DNAH12: variants seen among roughly 807,000 people sequenced by gnomAD.
DNAH12 encodes axonemal beta dynein heavy chain 12.
Under a neutral mutation model 371.5 loss-of-function variants are expected in DNAH12, and 285 were observed. The observed-to-expected ratio is 0.77, with a 90% CI of 0.70 to 0.85. The LOEUF (loss-of-function observed/expected upper bound fraction) is 0.85, where lower values mean the gene tolerates loss of function less well. Ranked by LOEUF, DNAH12 falls within the 40% of genes least tolerant of loss-of-function variation. The pLI, the probability that DNAH12 is intolerant of heterozygous loss-of-function variation, is 0.00. For missense variants in DNAH12, 3,611 were observed against 3,689.4 expected, an observed-to-expected ratio of 0.98 and a Z score of 0.55; for synonymous variants, 1,200 against 1,213.0, an observed-to-expected ratio of 0.99 and a Z score of 0.22.
chr3:57,489,691 G>GA lies in DNAH12; in HGVS notation c.1336-5dup, dbSNP rs2067050682. On this transcript the variant is annotated splice_region_variant and splice_polypyrimidine_tract_variant and intron_variant, in intron 11 of 73. Coordinates refer to ENST00000495027, the MANE Select transcript of DNAH12 (RefSeq NM_001366028.2). ...GACTGAGAAATTTTTCTATAAACTT[G>GA]AAAAAAAGTGTTCAAATGAAAAAAA... 4.0e-6 allele frequency: 6 copies of GA among 1,492,092 alleles called. No homozygotes were observed. Among genetic ancestry groups the GA allele is most frequent in the Middle Eastern group, 1.7e-4 (1 of 5,820 alleles). The allele number at this position is 1,492,092 out of a possible 1,614,324, so 92.4% of individuals were successfully genotyped here. A position where few individuals can be genotyped will look rare whatever the true frequency, so the allele number is the denominator to read the frequency against.
intron 60 of DNAH12, among the ~76,000 whole-genome samples, chr3:57,343,197 A>G (rs1553656814): frequency 6.6e-6 from 1 of 152,168 alleles, no homozygotes; most frequent in African/African-American, 2.4e-5. Context: ...GGGGAAAAGA[A>G]AGAGAGATCA....
intron 30 of DNAH12, among the ~76,000 whole-genome samples, chr3:57,436,468 T>C (rs2065128867): frequency 6.6e-6 from 1 of 152,166 alleles, no homozygotes; most frequent in East Asian, 1.9e-4. Flanking sequence ...ATTCTTCAGT[T>C]TCTGAATGGG....
At chr3:57,431,069 T>C (rs1255449854) in intron 32 of DNAH12, among the ~76,000 whole-genome samples, 1 of 152,224 alleles carries the variant, frequency 6.6e-6, no homozygotes, top group East Asian at 1.9e-4. Context: ...CTACTGGACA[T>C]GCTGGTCTAG....
At chr3:57,530,596 C>T in intron 2 of DNAH12, 2 of 621,756 alleles carry the variant, frequency 3.2e-6, no homozygotes, top group South Asian at 1.8e-5. Context: ...AGCTTGGCCC[C>T]CTTCTTGCAG....
At chr3:57,357,001 C>T (rs1171260976) in intron 59 of DNAH12, among the ~76,000 whole-genome samples, 175 bp downstream of exon 59, 1 of 152,042 alleles carries the variant, frequency 6.6e-6, no homozygotes, top group African/African-American at 2.4e-5. Flanking sequence ...CCTCAGCCTC[C>T]CAAAGTGCTG....
intron 58 of DNAH12, among the ~76,000 whole-genome samples, chr3:57,358,893 TC>T (rs1434152272): frequency 7.9e-5 from 12 of 152,166 alleles, no homozygotes; most frequent in Non-Finnish European, 1.5e-5. Flanking sequence ...CAAGCGATTC[TC>T]CTGCCTCAGC....
In DNAH12 at chr3:57,462,763, A is replaced by T; in HGVS notation, c.2462T>A (p.Leu821Gln). ...AAGGTTTAATTTTAAAACTTTTCTC[A>T]GTGTAGTTCCAGAGTCTGGAGTCAA... Reference protein sequence around the residue: ...YDLTPDSGTTLRKVLKLNLTP... With the variant: ...YDLTPDSGTTQRKVLKLNLTP... Residue 821 changes from leucine (L) to glutamine (Q), a missense_variant, in exon 18 of 74, where the codon CTG becomes CAG. Leu to Gln is a moderately radical substitution (Grantham distance 113). This residue lies in a region of DNAH12 where 1,314 missense variants were observed against 1,398.7 expected (regional missense o/e 0.94). Transcript: ENST00000495027. 3 of 1,551,526 alleles carry T rather than the reference A, an allele frequency of 1.9e-6. No individual in the cohort carries two copies. The highest frequency in any genetic ancestry group is 2.6e-6 in the Non-Finnish European group (3 of 1,146,938).
chr3:57,402,313 T>TC, intron 43 of DNAH12: 1 of 1,090,494 alleles, frequency 9.2e-7, no homozygotes, highest in South Asian at 1.5e-5. Context: ...TTTCTCCCTT[T>TC]TTTTTTTCCA....
intron 17 of DNAH12, among the ~76,000 whole-genome samples, chr3:57,466,067 T>C (rs1314034516): frequency 1.2e-5 from 1 of 81,944 alleles, no homozygotes; most frequent in Non-Finnish European, 2.7e-5. Context: ...ACACATGCAA[T>C]TCACACACAC....
At position 57,314,591 on chromosome 3, in the gene DNAH12, G is replaced by T. The variant is rs1322676605; in HGVS notation, c.10565C>A (p.Ala3522Asp). Residue 3522 changes from alanine (A) to aspartate (D), a missense_variant, in exon 66 of 74, where the codon GCC becomes GAC. Coordinates refer to ENST00000495027, the MANE Select transcript of DNAH12 (RefSeq NM_001366028.2). ...KLLFGVCFFHALVQERKKFGP... is the reference protein window; with the variant it reads ...KLLFGVCFFHDLVQERKKFGP... ...AAATTTCTTTCTCTCTTGCACAAGGGCATGAAAAAAACAAACTCCAAACAG... is the reference window on the plus strand; with the variant it reads ...AAATTTCTTTCTCTCTTGCACAAGGTCATGAAAAAAACAAACTCCAAACAG... The T allele has an allele frequency of 3.2e-6, 5 of 1,549,502 alleles. No homozygotes were observed. In the East Asian group the frequency reaches 1.2e-4, roughly 38 times the overall value.
intron 70 of DNAH12, among the ~76,000 whole-genome samples, chr3:57,297,951 C>A (rs1025675182): frequency 6.6e-6 from 1 of 152,192 alleles, no homozygotes; most frequent in Non-Finnish European, 1.5e-5. Context: ...AACAAACAAA[C>A]CAAAAACATA....
chr3:57,337,124 CTT>C (rs1426499930), intron 60 of DNAH12, among the ~76,000 whole-genome samples: 1 of 152,108 alleles, frequency 6.6e-6, no homozygotes, highest in Non-Finnish European at 1.5e-5. Flanking sequence ...AAAAAACAGA[CTT>C]TAAGTTAAAA....
chr3:57,499,452 T>G (rs1457536662), intron 11 of DNAH12, among the ~76,000 whole-genome samples: 1 of 150,580 alleles, frequency 6.6e-6, no homozygotes, highest in South Asian at 2.1e-4. Context: ...CAAATAAATA[T>G]AGCAAAATCC....
chr3:57,421,983 T>C (rs1474206480), intron 35 of DNAH12, among the ~76,000 whole-genome samples: 1 of 143,904 alleles, frequency 6.9e-6, no homozygotes, highest in African/African-American at 2.7e-5. Context: ...CTCAACTCAC[T>C]GCAACCTCAA....
At chr3:57,484,533 TCTC>T (rs757890308) in intron 12 of DNAH12, among the ~76,000 whole-genome samples, 3 of 151,872 alleles carry the variant, frequency 2.0e-5, no homozygotes, top group African/African-American at 7.3e-5. Flanking sequence ...TATACAAAAA[TCTC>T]CTCAAGACGG....
intron 40 of DNAH12, among the ~76,000 whole-genome samples, chr3:57,407,788 T>G (rs2153354087): frequency 6.6e-6 from 1 of 152,346 alleles, no homozygotes; most frequent in Non-Finnish European, 1.5e-5. Flanking sequence ...ACCCTTGTAT[T>G]TCTCTTTTAT....
In DNAH12 at chr3:57,468,870, T is replaced by G. The variant is rs1183599181; in HGVS notation, c.2215A>C (p.Lys739Gln). 2.0e-5 allele frequency: 30 copies of G among 1,526,428 alleles called. No homozygotes were observed. The highest frequency in any genetic ancestry group is 2.6e-5 in the Non-Finnish European group (30 of 1,141,250). 94.6% of individuals were successfully genotyped at this position (1,526,428 alleles called of 1,614,324 possible). A position where few individuals can be genotyped will look rare whatever the true frequency, so the allele number is the denominator to read the frequency against. Reference protein sequence around the residue: ...KTLKFFQTKLKKELQEKRKAA... With the variant: ...KTLKFFQTKLQKELQEKRKAA... ...TTTCTTTTTTCTTGTAATTCTTTCT[T>G]TAGCTTCGTTTGGAAAAATTTTAGT... Residue 739 changes from lysine to glutamine, a missense_variant, in exon 17 of 74, where the codon AAG (lysine) becomes CAG (glutamine). Lys to Gln is a moderately conservative substitution (Grantham distance 53, BLOSUM62 1). Coordinates refer to ENST00000495027, the MANE Select transcript of DNAH12 (RefSeq NM_001366028.2).
At chr3:57,390,838 G>T (rs2063607994) in intron 45 of DNAH12, among the ~76,000 whole-genome samples, 3 of 151,946 alleles carry the variant, frequency 2.0e-5, no homozygotes, top group Admixed American at 6.6e-5. Flanking sequence ...AACTGCTTTG[G>T]TTTTTTCCTA....
chr3:57,429,962 T>C (rs1393982407), intron 32 of DNAH12, among the ~76,000 whole-genome samples, 188 bp from the exon 33 acceptor site: 1 of 152,156 alleles, frequency 6.6e-6, no homozygotes, highest in African/African-American at 2.4e-5. Context: ...ATACTTAACA[T>C]CTCCGAGTCT....
Sources: allele counts gnomAD v4.1 joint callset (sites outside exome capture counted in the v4.1 genomes callset), GRCh38; gene constraint gnomAD v4.1.1; regional missense constraint gnomAD v4.1.1; transcripts MANE v1.5; gene names NCBI Gene and HGNC (gene_info 2026-07-23, HGNC 2026-07-21).